Variants in CMIP observed in about 807,000 individuals in gnomAD.
CMIP encodes c-Maf inducing protein.
Under a neutral mutation model 97.3 loss-of-function variants are expected in CMIP, and 13 were observed. The observed-to-expected ratio is 0.13, with a 90% confidence interval of 0.09 to 0.21. CMIP has a LOEUF of 0.21. CMIP is among the 10% of genes least tolerant of loss of function. The pLI, the probability that CMIP is intolerant of heterozygous loss-of-function variation, is 1.00. For synonymous variants in CMIP, 538 were observed against 436.3 expected, an observed-to-expected ratio of 1.23 and a Z score of -2.91; for missense variants, 847 against 1,024.9, an observed-to-expected ratio of 0.83 and a Z score of 2.37.
At chr16:81,447,638 C>G (rs895905183) in intron 1 of CMIP, among the ~76,000 whole-genome samples, 1 of 152,204 alleles carries the variant, frequency 6.6e-6, no homozygotes, top group African/African-American at 2.4e-5. Context: ...GAGCCATGCT[C>G]TGGTGTTAGG....
chr16:81,489,574 C>T (rs1205885450), intron 1 of CMIP, among the ~76,000 whole-genome samples: 3 of 152,208 alleles, frequency 2.0e-5, no homozygotes, highest in Non-Finnish European at 2.9e-5. Flanking sequence ...TTTCAGAGTG[C>T]AGGAACCCAG....
At chr16:81,657,294 G>C (rs898470854) in intron 4 of CMIP, among the ~76,000 whole-genome samples, 1 of 152,172 alleles carries the variant, frequency 6.6e-6, no homozygotes, top group Non-Finnish European at 1.5e-5. Context: ...TGGGAACTTA[G>C]TTTGAGAAGC....
chr16:81,532,282 G>A (rs991399195), intron 1 of CMIP, among the ~76,000 whole-genome samples: 1 of 152,250 alleles, frequency 6.6e-6, no homozygotes, highest in Non-Finnish European at 1.5e-5. Context: ...ACATTCGGAC[G>A]TGTGTTAGGT....
rs539903422 is a variant in CMIP at position 81,627,883 on chromosome 16, C to G, written c.477+6957C>G. Among the ~76,000 whole-genome samples, 9 of 152,276 alleles carry G rather than the reference C, an allele frequency of 5.9e-5. No homozygotes were observed. Among genetic ancestry groups the G allele is most frequent in the Admixed American group, 2.0e-4 (3 of 15,302 alleles). On this transcript the variant is annotated intron_variant, in intron 3 of 20. Transcript: ENST00000537098. This position sits in a 1 kb window ranked among gnomAD's most constrained non-coding sequence, Gnocchi z 4.6. The stretch of plus-strand genomic sequence containing the variant: ...TGGGGGACCACAACCCTCAAAGTCC[C>G]CAGCACCAAGGCAAAGTGCCTGGGG...
At chr16:81,685,775 G>A (rs1302147819) in intron 10 of CMIP, among the ~76,000 whole-genome samples, 2 of 148,972 alleles carry the variant, frequency 1.3e-5, no homozygotes, top group East Asian at 3.9e-4. Context: ...TGTTGCCCAA[G>A]CCAGTCTCGA....
At chr16:81,493,439 CTT>C (rs35144862) in intron 1 of CMIP, among the ~76,000 whole-genome samples, 22,993 of 152,172 alleles carry the variant, frequency 0.15, 2,015 homozygotes, top group East Asian at 0.28. Flanking sequence ...TTCCTCAAGT[CTT>C]TGTGAGGATT....
At chr16:81,660,849 CCCACGGTT>C in intron 5 of CMIP, 27 bp from the exon 6 acceptor site, 1 of 1,612,562 alleles carries the variant, frequency 6.2e-7, no homozygotes. Flanking sequence ...GGCTATCTAC[CCCACGGTT>C]CCTGATGCTT....
intron 15 of CMIP, among the ~76,000 whole-genome samples, chr16:81,701,295 C>T (rs2151096788): frequency 6.6e-6 from 1 of 152,262 alleles, no homozygotes; most frequent in African/African-American, 2.4e-5. Flanking sequence ...TCATGACAGC[C>T]ACTGGGGAAG....
chr16:81,526,504 C>T (rs1323669852), intron 1 of CMIP, among the ~76,000 whole-genome samples: 1 of 152,168 alleles, frequency 6.6e-6, no homozygotes, highest in Admixed American at 6.5e-5. Flanking sequence ...AGTTATCAGG[C>T]CCACAGCTAG....
At chr16:81,472,851 C>G (rs1907641827) in intron 1 of CMIP, among the ~76,000 whole-genome samples, 2 of 152,184 alleles carry the variant, frequency 1.3e-5, no homozygotes, top group African/African-American at 4.8e-5. Flanking sequence ...ATCGTGGCAT[C>G]TGTGGTGATC....
At chr16:81,484,837 C>A (rs1350904251) in intron 1 of CMIP, among the ~76,000 whole-genome samples, 1 of 152,088 alleles carries the variant, frequency 6.6e-6, no homozygotes, top group East Asian at 1.9e-4. Context: ...CTCTTGGCTT[C>A]CTTATTCCTC....
intron 10 of CMIP, among the ~76,000 whole-genome samples, chr16:81,688,104 A>T (rs952335389): frequency 2.6e-5 from 4 of 151,486 alleles, no homozygotes; most frequent in Non-Finnish European, 5.9e-5. Context: ...CCAGGGTCGG[A>T]TGGGGGTGAC....
intron 1 of CMIP, among the ~76,000 whole-genome samples, chr16:81,563,747 G>A (rs9940594): frequency 0.013 from 1,918 of 152,262 alleles, 41 homozygotes; most frequent in African/African-American, 0.044. Context: ...TTATTATGGG[G>A]CTTCATGGTG....
intron 1 of CMIP, among the ~76,000 whole-genome samples, chr16:81,486,879 A>G (rs1043667346): frequency 2.6e-5 from 4 of 152,238 alleles, no homozygotes; most frequent in Admixed American, 6.5e-5. Context: ...ACCCAGCTCA[A>G]ATCAAACTGG....
intron 10 of CMIP, among the ~76,000 whole-genome samples, chr16:81,690,682 T>C (rs1351605487): frequency 6.6e-6 from 1 of 152,160 alleles, no homozygotes; most frequent in African/African-American, 2.4e-5. Flanking sequence ...CCCAGCACTT[T>C]GGGAGGCTGA....
chr16:81,650,011 T>C (rs894611456), intron 3 of CMIP, among the ~76,000 whole-genome samples: 2 of 152,194 alleles, frequency 1.3e-5, no homozygotes, highest in Non-Finnish European at 2.9e-5. Flanking sequence ...ACAGGGCGGC[T>C]TTGGTTGACA....
chr16:81,566,554 A>G (rs1479863479), intron 1 of CMIP, among the ~76,000 whole-genome samples: 1 of 152,180 alleles, frequency 6.6e-6, no homozygotes, highest in Non-Finnish European at 1.5e-5. Flanking sequence ...CTTCATATTC[A>G]AGGAGGCCTT....
intron 1 of CMIP, among the ~76,000 whole-genome samples, chr16:81,548,344 G>T (rs2090588982): frequency 6.6e-6 from 1 of 152,018 alleles, no homozygotes; most frequent in Non-Finnish European, 1.5e-5. Flanking sequence ...TTGTTGTTCA[G>T]GCTGTTCTCG....
At chr16:81,551,896 C>T (rs901084800) in intron 1 of CMIP, among the ~76,000 whole-genome samples, 1 of 152,216 alleles carries the variant, frequency 6.6e-6, no homozygotes, top group African/African-American at 2.4e-5. Context: ...GTGACAAAGA[C>T]TCCCCGGTCC....
Sources: gnomAD v4.1 joint callset for allele counts (sites outside exome capture counted in the v4.1 genomes callset) on GRCh38, gnomAD v4.1.1 for gene constraint, Gnocchi (gnomAD v3.1) non-coding constraint, MANE v1.5 for transcripts, NCBI Gene and HGNC (gene_info 2026-07-23, HGNC 2026-07-21) for gene names.